The following THRB variants were observed in gnomAD, a reference collection of about 807,000 sequenced individuals.
THRB encodes the protein thyroid hormone receptor beta.
Under a neutral mutation model 47.8 loss-of-function variants are expected in THRB, and 12 were observed. The observed-to-expected ratio is 0.25, with a 90% CI of 0.16 to 0.41. The LOEUF is 0.41. THRB is among the 10% of genes least tolerant of loss of function. The pLI is 1.00. For synonymous variants in THRB, 218 were observed against 212.2 expected (o/e 1.03, Z -0.24); for missense variants, 348 against 589.2 (o/e 0.59, Z 4.24).
chr3:24,292,586 T>A (rs946719652), intron 3 of THRB, among the ~76,000 whole-genome samples: 2 of 152,194 alleles, frequency 1.3e-5, no homozygotes, highest in African/African-American at 2.4e-5. Flanking sequence ...ACGTTAAGCT[T>A]CCTGCTGGGG....
At chr3:24,381,392 G>A (rs1417142253) in intron 1 of THRB, among the ~76,000 whole-genome samples, 1 of 152,110 alleles carries the variant, frequency 6.6e-6, no homozygotes, top group African/African-American at 2.4e-5. Context: ...CTGCAATCCA[G>A]AGGGCAGGAC....
chr3:24,479,234 G>A (rs1479804142), intron 1 of THRB, among the ~76,000 whole-genome samples: 1 of 152,200 alleles, frequency 6.6e-6, no homozygotes, highest in Non-Finnish European at 1.5e-5. Flanking sequence ...CCTGGGAGGC[G>A]GGGCTAGCAG....
intron 1 of THRB, among the ~76,000 whole-genome samples, chr3:24,491,828 G>C (rs1026354127): frequency 6.6e-6 from 1 of 152,192 alleles, no homozygotes; most frequent in Non-Finnish European, 1.5e-5. Flanking sequence ...TGAAATTCAG[G>C]GAGTTGAAGG....
At chr3:24,251,726 T>C (rs1288189012) in intron 3 of THRB, among the ~76,000 whole-genome samples, 1 of 151,976 alleles carries the variant, frequency 6.6e-6, no homozygotes, top group African/African-American at 2.4e-5. Flanking sequence ...ATCCAGATGG[T>C]TTTGTGTGTG....
chr3:24,150,600 A>G (rs1299813693), intron 6 of THRB, among the ~76,000 whole-genome samples: 4 of 152,204 alleles, frequency 2.6e-5, no homozygotes, highest in African/African-American at 9.7e-5. Flanking sequence ...ATCATCCTGA[A>G]GACATATGTG....
chr3:24,342,051 A>G (rs909870137), intron 1 of THRB, among the ~76,000 whole-genome samples: 1 of 151,916 alleles, frequency 6.6e-6, no homozygotes, highest in African/African-American at 2.4e-5. Context: ...AATGCTAATC[A>G]TTTCAAACTA....
intron 1 of THRB, among the ~76,000 whole-genome samples, chr3:24,422,043 C>A (rs1482342043): frequency 6.6e-6 from 1 of 151,944 alleles, no homozygotes. Context: ...TATTCCTGTG[C>A]ATAATTGCTT....
chr3:24,482,899 G>A (rs1696692800), intron 1 of THRB, among the ~76,000 whole-genome samples: 1 of 152,140 alleles, frequency 6.6e-6, no homozygotes, highest in African/African-American at 2.4e-5. Context: ...TTTAAACTCA[G>A]AAATAGGCTT....
chr3:24,283,128 C>A (rs1221461876), intron 3 of THRB, among the ~76,000 whole-genome samples: 3,538 of 136,646 alleles, frequency 0.026, 55 homozygotes, highest in African/African-American at 0.075. Context: ...GAGACACAAC[C>A]AAAAAAGAGA....
chr3:24,469,607 A>T (rs943209645), intron 1 of THRB, among the ~76,000 whole-genome samples: 1 of 152,256 alleles, frequency 6.6e-6, no homozygotes, highest in African/African-American at 2.4e-5. Flanking sequence ...AATGATTATT[A>T]CTGCTTTAAA....
intron 3 of THRB, among the ~76,000 whole-genome samples, chr3:24,292,235 A>C (rs1029394972): frequency 6.6e-6 from 1 of 152,194 alleles, no homozygotes; most frequent in Non-Finnish European, 1.5e-5. Flanking sequence ...ACCTACAGGG[A>C]GTAGGGCTGG....
intron 5 of THRB, among the ~76,000 whole-genome samples, chr3:24,157,779 T>C (rs1387295920): frequency 6.6e-6 from 1 of 152,158 alleles, no homozygotes; most frequent in Non-Finnish European, 1.5e-5. Context: ...CAGCCTCCCG[T>C]CTTGGCCTCC....
At chr3:24,240,156 C>T (rs1233999315) in intron 3 of THRB, among the ~76,000 whole-genome samples, 1 of 152,134 alleles carries the variant, frequency 6.6e-6, no homozygotes, top group South Asian at 2.1e-4. Context: ...TTTCACCCCT[C>T]ACTCTTTGTG....
At position 24,143,957 on chromosome 3, in the gene THRB, C is replaced by T. The variant is rs1309459304; in HGVS notation, c.533-251G>A. Reference sequence around the variant, plus strand: ...TTTCAAAACAAAGTCCCCAGAGAACCTAGACACTGCGCACTCCAACTCCAC... The same window carrying T: ...TTTCAAAACAAAGTCCCCAGAGAACTTAGACACTGCGCACTCCAACTCCAC... On this transcript the variant is annotated intron_variant, in intron 7 of 10. Transcript: ENST00000646209. 5.5e-6 allele frequency: 3 copies of T among 547,528 alleles called. No homozygotes were observed. The African/African-American group carries it at 5.7e-5, about 10-fold the overall frequency. The allele number at this position is 547,528 out of a possible 1,614,324, so 33.9% of individuals were successfully genotyped here. A position where few individuals can be genotyped will look rare whatever the true frequency, so the allele number is the denominator to read the frequency against.
chr3:24,205,585 G>A (rs973045128), intron 4 of THRB, among the ~76,000 whole-genome samples: 1 of 152,180 alleles, frequency 6.6e-6, no homozygotes, highest in Non-Finnish European at 1.5e-5. Context: ...GAAAGAAACT[G>A]CATCAACTAA....
intron 1 of THRB, among the ~76,000 whole-genome samples, chr3:24,454,000 T>C (rs935407483): frequency 1.1e-4 from 16 of 152,320 alleles, no homozygotes; most frequent in African/African-American, 3.8e-4. Flanking sequence ...ACCCGCTCTC[T>C]ACTTTCATGG....
At chr3:24,411,771 G>T (rs1255112958) in intron 1 of THRB, among the ~76,000 whole-genome samples, 1 of 151,618 alleles carries the variant, frequency 6.6e-6, no homozygotes, top group East Asian at 2.0e-4. Context: ...ACTAGTGGGG[G>T]ATGTTACTAA....
intron 3 of THRB, among the ~76,000 whole-genome samples, chr3:24,284,413 C>T (rs2055005874): frequency 6.6e-6 from 1 of 150,608 alleles, no homozygotes; most frequent in East Asian, 1.9e-4. Context: ...TTCCTTACAC[C>T]TTATACAAAA....
chr3:24,253,028 G>GAATAC (rs529274209), intron 3 of THRB, among the ~76,000 whole-genome samples: 169 of 151,774 alleles, frequency 1.1e-3, no homozygotes, highest in South Asian at 2.7e-3. Flanking sequence ...AAGAATAAAT[G>GAATAC]AATACAATAC....
Sources: allele counts gnomAD v4.1 joint callset (sites outside exome capture counted in the v4.1 genomes callset), GRCh38; gene constraint gnomAD v4.1.1; transcripts MANE v1.5; gene names NCBI Gene and HGNC (gene_info 2026-07-23, HGNC 2026-07-21).